The following RUNX3 variants were observed in gnomAD, a reference collection of about 807,000 sequenced individuals.
RUNX3 encodes the protein RUNX family transcription factor 3.
RUNX3 carries 10 observed loss-of-function variants against 27.7 expected under a neutral mutation model. That is an observed-to-expected ratio of 0.36 (90% CI 0.22 to 0.61). The LOEUF (loss-of-function observed/expected upper bound fraction) is 0.61, where lower values mean the gene tolerates loss of function less well. Ranked by LOEUF, RUNX3 falls within the 20% of genes least tolerant of loss-of-function variation. RUNX3 has a pLI of 0.72. For missense variants in RUNX3, 469 were observed against 629.5 expected, an observed-to-expected ratio of 0.75 and a Z score of 2.73; for synonymous variants, 270 against 269.2, an observed-to-expected ratio of 1.00 and a Z score of -0.03.
At position 24,902,099 on chromosome 1, in the gene RUNX3, G is replaced by T; in HGVS notation, c.*23C>A. 1 of 1,504,372 alleles carries T rather than the reference G, an allele frequency of 6.6e-7. No homozygotes were observed. The highest frequency in any genetic ancestry group is 1.3e-5 in the South Asian group (1 of 77,684). 93.2% of individuals were successfully genotyped at this position (1,504,372 alleles called of 1,614,324 possible). On this transcript the variant is annotated 3_prime_UTR_variant, in exon 5 of 5. Transcript: ENST00000308873. This position sits in a 1 kb window ranked among gnomAD's most constrained non-coding sequence, Gnocchi z 9.2. ...AAGGTTGTTAGGGTCCCCGCCTCCA[G>T]CGGGAGGAGTCCACCAGGGCGGTCA... is the stretch of plus-strand genomic sequence containing the variant.
intron 2 of RUNX3, among the ~76,000 whole-genome samples, chr1:24,952,204 C>T (rs1438122573): frequency 1.3e-5 from 2 of 152,168 alleles, no homozygotes; most frequent in African/African-American, 4.8e-5. Context: ...TTTCCTAGGT[C>T]CTTGAGAAGA....
intron 2 of RUNX3, among the ~76,000 whole-genome samples, chr1:24,951,960 A>C (rs1507099): frequency 0.74 from 112,578 of 152,118 alleles, 42,766 homozygotes; most frequent in African/African-American, 0.92. Flanking sequence ...CAGAGCCAGA[A>C]CCTGTCTCAA....
At position 24,927,535 on chromosome 1, in the gene RUNX3, T is replaced by C. The variant is rs779536288; in HGVS notation, c.439+39A>G. 31 of 1,608,938 alleles carry C rather than the reference T, an allele frequency of 1.9e-5. No individual in the cohort carries two copies. The highest frequency in any genetic ancestry group is 4.0e-5 in the African/African-American group (3 of 74,844). ...ACCTCCTTCCCTGCTGCCCCTGCCA[T>C]TGCCAATGCTGAAATGGCGAGGCCT... On this transcript the variant is annotated intron_variant, in intron 2 of 4. Coordinates refer to ENST00000308873, the MANE Select transcript of RUNX3 (RefSeq NM_004350.3). This position sits in a 1 kb window ranked among gnomAD's most constrained non-coding sequence, Gnocchi z 5.0.
intron 3 of RUNX3, among the ~76,000 whole-genome samples, chr1:24,912,840 C>CGATACATCA (rs1640821283): frequency 6.6e-6 from 1 of 151,720 alleles, no homozygotes; most frequent in South Asian, 2.1e-4. Context: ...AGCCTGGGTT[C>CGATACATCA]GATACATCAA....
intron 2 of RUNX3, among the ~76,000 whole-genome samples, chr1:24,944,013 A>G: frequency 6.6e-6 from 1 of 151,972 alleles, no homozygotes; most frequent in East Asian, 1.9e-4. Flanking sequence ...ATATCTCTTT[A>G]CTGTCCATCG....
chr1:24,904,813 C>G lies in RUNX3; in HGVS notation c.704-2147G>C, dbSNP rs1640631894. ...CGGGGTGGTGGGGGAAGTACCTGCC[C>G]TCAGCACTCCCTCAGACCCCCCAGC... On this transcript the variant is annotated intron_variant, in intron 4 of 4. Transcript: ENST00000308873. The surrounding 1 kb of genome is among the most constrained non-coding windows in gnomAD (Gnocchi z 5.7). Among the ~76,000 whole-genome samples, 1 of 152,124 alleles carries G rather than the reference C, an allele frequency of 6.6e-6. No individual in the cohort carries two copies. The highest frequency in any genetic ancestry group is 2.4e-5 in the African/African-American group (1 of 41,424).
intron 2 of RUNX3, among the ~76,000 whole-genome samples, chr1:24,919,693 T>C (rs903457934): frequency 7.2e-5 from 11 of 152,010 alleles, no homozygotes; most frequent in African/African-American, 1.7e-4. Flanking sequence ...CTGAAAGTAA[T>C]TGGTGATCTT....
At chr1:24,914,441 C>T (rs1014723722) in intron 3 of RUNX3, among the ~76,000 whole-genome samples, 5 of 152,216 alleles carry the variant, frequency 3.3e-5, no homozygotes, top group Admixed American at 6.5e-5. Flanking sequence ...CTCGCGGAAT[C>T]GCAGGCGGGT....
rs1250676880 is a variant in RUNX3 at position 24,930,018 on chromosome 1, C to G, written c.-150G>C. 4.5e-6 allele frequency: 5 copies of G among 1,111,148 alleles called. No homozygotes were observed. The highest frequency in any genetic ancestry group is 5.5e-6 in the Non-Finnish European group (5 of 913,010). 68.8% of individuals were successfully genotyped at this position (1,111,148 alleles called of 1,614,324 possible). ...GGCCTCAGGGCGCAGGGGGCGGCGC[C>G]CGGCCACTACTCGCCAGGGCCCGCC... On this transcript the variant is annotated 5_prime_UTR_variant, in exon 1 of 5. Coordinates refer to ENST00000308873, the MANE Select transcript of RUNX3 (RefSeq NM_004350.3). The surrounding 1 kb of genome is among the most constrained non-coding windows in gnomAD (Gnocchi z 4.1).
intron 2 of RUNX3, among the ~76,000 whole-genome samples, chr1:24,949,288 A>G (rs1001286709): frequency 6.6e-6 from 1 of 152,172 alleles, no homozygotes; most frequent in Non-Finnish European, 1.5e-5. Context: ...TGTAAGAAGC[A>G]GAGCCAAGAT....
chr1:24,946,469 CAT>C (rs754337585), intron 2 of RUNX3, among the ~76,000 whole-genome samples: 15 of 147,506 alleles, frequency 1.0e-4, no homozygotes, highest in East Asian at 6.2e-4. Flanking sequence ...AATCCCCCAA[CAT>C]GTGTGTATGT....
At chr1:24,908,183 C>CGACACGCGGTGATCTGAACCTCTAT (rs1640717582) in intron 3 of RUNX3, among the ~76,000 whole-genome samples, 2 of 83,198 alleles carry the variant, frequency 2.4e-5, no homozygotes, top group African/African-American at 1.4e-4. Flanking sequence ...CGAAGCTCTA[C>CGACACGCGGTGATCTGAACCTCTAT]GACACGCGGT....
chr1:24,944,717 G>C (rs562545034), intron 2 of RUNX3, among the ~76,000 whole-genome samples: 17 of 152,300 alleles, frequency 1.1e-4, no homozygotes, highest in African/African-American at 3.9e-4. Context: ...GCTCAAAGCT[G>C]TGGGCTTTGA....
At chr1:24,910,730 T>C (rs1640780812) in intron 3 of RUNX3, among the ~76,000 whole-genome samples, 1 of 152,118 alleles carries the variant, frequency 6.6e-6, no homozygotes. Context: ...TCTCCTCCAA[T>C]GAGGCCCCAG....
At chr1:24,949,152 T>G (rs1641692556) in intron 2 of RUNX3, among the ~76,000 whole-genome samples, 2 of 152,022 alleles carry the variant, frequency 1.3e-5, no homozygotes, top group Admixed American at 1.3e-4. Context: ...CACGGGCGGC[T>G]GTGGAGCTGA....
intron 2 of RUNX3, among the ~76,000 whole-genome samples, chr1:24,956,875 C>T (rs185905071): frequency 1.3e-5 from 2 of 152,334 alleles, no homozygotes; most frequent in African/African-American, 4.8e-5. Flanking sequence ...CCCCCAGATG[C>T]CCTCTGTTTC....
chr1:24,908,580 C>T (rs1640736873), intron 3 of RUNX3, among the ~76,000 whole-genome samples: 2 of 152,152 alleles, frequency 1.3e-5, no homozygotes, highest in African/African-American at 2.4e-5. Context: ...GCAGGAGGAT[C>T]ACTTGAGCCC....
intron 2 of RUNX3, among the ~76,000 whole-genome samples, chr1:24,948,628 C>T (rs1303894299): frequency 6.9e-6 from 1 of 144,644 alleles, no homozygotes; most frequent in Non-Finnish European, 1.5e-5. Context: ...AGGATGGGTG[C>T]ATGTCGGGGA....
rs534328964 is a variant in RUNX3 at position 24,908,198 on chromosome 1, C to T, written c.545-781G>A. Among the ~76,000 whole-genome samples, 280 of 132,662 alleles carry T rather than the reference C, an allele frequency of 2.1e-3. 21 individuals are homozygous for T. Among genetic ancestry groups the T allele is most frequent in the African/African-American group, 8.0e-3 (262 of 32,682 alleles). The allele number at this position is 132,662 out of a possible 152,430, so 87.0% of individuals were successfully genotyped here. A position where few individuals can be genotyped will look rare whatever the true frequency, so the allele number is the denominator to read the frequency against. ...CGAAGCTCTACGACACGCGGTGATCCGAACCTCTACGACACGCGGTGATCT... is the reference window on the plus strand; with the variant it reads ...CGAAGCTCTACGACACGCGGTGATCTGAACCTCTACGACACGCGGTGATCT... On this transcript the variant is annotated intron_variant, in intron 3 of 4. Transcript: ENST00000308873.
Sources: allele counts gnomAD v4.1 joint callset (sites outside exome capture counted in the v4.1 genomes callset), GRCh38; gene constraint gnomAD v4.1.1; non-coding constraint Gnocchi (gnomAD v3.1); transcripts MANE v1.5; gene names NCBI Gene and HGNC (gene_info 2026-07-23, HGNC 2026-07-21).